Variants in AGBL3 observed in about 807,000 individuals in gnomAD.
AGBL3 encodes AGBL carboxypeptidase 3, also known as cytosolic carboxypeptidase 3.
Under a neutral mutation model 94.5 loss-of-function variants are expected in AGBL3, and 68 were observed. The ratio of observed to expected loss-of-function variants is 0.72; its 90% CI spans 0.59 to 0.88. The LOEUF is 0.88. Among genes scored for constraint, AGBL3 ranks in the 40% least tolerant of loss-of-function variants. AGBL3 has a pLI of 0.00. For synonymous variants in AGBL3, 354 were observed against 370.7 expected (o/e 0.95, Z 0.52); for missense variants, 934 against 1,103.8 (o/e 0.85, Z 2.18).
chr7:135,061,408 CTGCTTT>C (rs1448720851), intron 12 of AGBL3, among the ~76,000 whole-genome samples: 5 of 152,030 alleles, frequency 3.3e-5, no homozygotes, highest in African/African-American at 9.7e-5. Flanking sequence ...CATGTATCTG[CTGCTTT>C]TGCTTTTGTT....
At chr7:135,102,951 A>T (rs777170269) in intron 15 of AGBL3, among the ~76,000 whole-genome samples, 3 of 152,232 alleles carry the variant, frequency 2.0e-5, no homozygotes, top group Admixed American at 6.5e-5. Flanking sequence ...ATTCTCTTTA[A>T]AAGACACTGT....
intron 15 of AGBL3, among the ~76,000 whole-genome samples, chr7:135,105,175 T>C (rs1440526892): frequency 1.3e-5 from 2 of 150,118 alleles, no homozygotes; most frequent in African/African-American, 4.9e-5. Flanking sequence ...ATTCAAGAGA[T>C]TCTCTTGCCT....
chr7:135,044,103 A>T lies in AGBL3; in HGVS notation c.1579A>T (p.Ile527Phe). 6.4e-7 allele frequency: 1 copy of T among 1,550,878 alleles called. No homozygotes were observed. Among genetic ancestry groups the T allele is most frequent in the Non-Finnish European group, 8.7e-7 (1 of 1,146,268 alleles). ...TGRVVMWKMG[I>F]RNSFTMEATF... Reference sequence around the variant, plus strand: ...AAGGGTGGTAATGTGGAAAATGGGAATCAGGAACAGCTTTACCATGGAGGC... The same window carrying T: ...AAGGGTGGTAATGTGGAAAATGGGATTCAGGAACAGCTTTACCATGGAGGC... Residue 527 changes from isoleucine to phenylalanine, a missense_variant, in exon 9 of 17, where the codon ATC becomes TTC. Around this residue, in one of 3 missense-constraint regions of AGBL3, gnomAD observed 441 missense variants for 518.2 expected, o/e 0.85. Coordinates refer to ENST00000436302, the MANE Select transcript of AGBL3 (RefSeq NM_178563.4).
intron 12 of AGBL3, among the ~76,000 whole-genome samples, chr7:135,060,113 C>T (rs1007755984): frequency 1.3e-5 from 2 of 152,172 alleles, no homozygotes; most frequent in African/African-American, 4.8e-5. Flanking sequence ...AATATAATCC[C>T]TAACACACAC....
chr7:135,080,136 A>G (rs755786145), intron 13 of AGBL3, 67 bp from the exon 14 acceptor site: 60 of 1,193,906 alleles, frequency 5.0e-5, no homozygotes, highest in African/African-American at 1.5e-4. Flanking sequence ...CATAAATCAT[A>G]TAGGAAATAT....
At chr7:134,993,388 C>A in intron 3 of AGBL3, 105 bp from the exon 4 acceptor site, 1 of 877,558 alleles carries the variant, frequency 1.1e-6, no homozygotes. Flanking sequence ...TAATGATACC[C>A]ACACATTGAA....
At position 135,089,446 on chromosome 7, in the gene AGBL3, C is replaced by A. The variant is rs184681769; in HGVS notation, c.2110+7656C>A. ...CTTTTTAGTGTTGCTTGTGTCCCTGCATTGATGCCTGTGCATCTGGTGGAA... is the reference window on the plus strand; with the variant it reads ...CTTTTTAGTGTTGCTTGTGTCCCTGAATTGATGCCTGTGCATCTGGTGGAA... On this transcript the variant is annotated intron_variant, in intron 15 of 16. Coordinates refer to ENST00000436302, the MANE Select transcript of AGBL3 (RefSeq NM_178563.4). 2.6e-5 allele frequency among the ~76,000 whole-genome samples: 4 copies of A among 152,276 alleles called. No homozygotes were observed. The South Asian group carries it at 6.2e-4, about 24-fold the overall frequency.
At position 135,081,658 on chromosome 7, in the gene AGBL3, A is replaced by C. The variant is rs969103263; in HGVS notation, c.2039-61A>C. The C allele has an allele frequency of 1.2e-5, 14 of 1,152,564 alleles. 1 individual carries two copies. The African/African-American group carries it at 2.0e-4, about 16-fold the overall frequency. 71.4% of individuals were successfully genotyped at this position (1,152,564 alleles called of 1,614,324 possible). ...TTTCCACTTTGAAAAAAGATGAAAA[A>C]TATGAAATGTAAATGGGCGAGTTAT... is the stretch of plus-strand genomic sequence containing the variant. On this transcript the variant is annotated intron_variant, in intron 14 of 16. Transcript: ENST00000436302.
At chr7:135,117,558 T>G (rs1407760901) in intron 16 of AGBL3, among the ~76,000 whole-genome samples, 1 of 152,160 alleles carries the variant, frequency 6.6e-6, no homozygotes, top group Admixed American at 6.5e-5. Context: ...CTATAGGTAA[T>G]AGCATGTAAG....
At chr7:135,098,320 T>G (rs1033143408) in intron 15 of AGBL3, among the ~76,000 whole-genome samples, 1 of 152,202 alleles carries the variant, frequency 6.6e-6, no homozygotes, top group African/African-American at 2.4e-5. Context: ...ATATAACCTA[T>G]GCATATCCTC....
Position 135,135,199 on chromosome 7 carries a change from G to A in AGBL3, c.2701G>A (p.Glu901Lys), listed in dbSNP as rs199898448. ...CCTCCATCTAACTAAAAATAAGGAT[G>A]AGCAGGCCAATAAGAATGATGGACA... ...TALHLTKNKD[E>K]QANKNDGQPT... is the part of the protein sequence containing the mutation. Residue 901 changes from glutamate (E) to lysine (K), a missense_variant, in exon 17 of 17, where the codon GAG becomes AAG. Transcript: ENST00000436302. The A allele has an allele frequency of 5.1e-4, 791 of 1,547,240 alleles. 1 individual carries two copies. Among genetic ancestry groups the A allele is most frequent in the Admixed American group, 1.0e-3 (51 of 49,792 alleles).
intron 12 of AGBL3, among the ~76,000 whole-genome samples, chr7:135,073,471 AAAAT>A (rs138457438): frequency 0.12 from 15,147 of 125,976 alleles, 858 homozygotes; most frequent in East Asian, 0.18. Context: ...ACTCCGTCTC[AAAAT>A]AAATAAATAA....
At chr7:134,999,039 A>G (rs73728023) in intron 4 of AGBL3, among the ~76,000 whole-genome samples, 4,812 of 152,234 alleles carry the variant, frequency 0.032, 244 homozygotes, top group African/African-American at 0.11. Context: ...ACAAAAAAAA[A>G]AGTTTCAATT....
chr7:135,128,605 G>A, intron 16 of AGBL3: 1 of 779,392 alleles, frequency 1.3e-6, no homozygotes, highest in Non-Finnish European at 2.4e-6. Context: ...TCTGCTCTAT[G>A]GGAAGAACAC....
At chr7:135,034,001 G>A (rs1816040910) in intron 6 of AGBL3, 148 bp from the exon 7 acceptor site, 5 of 713,700 alleles carry the variant, frequency 7.0e-6, no homozygotes, top group African/African-American at 1.8e-5. Context: ...AACTTTTATC[G>A]TTTACATTGT....
In AGBL3 at chr7:135,032,971, G is replaced by A. The variant is rs1035179541; in HGVS notation, c.546G>A (p.Lys182=). The A allele has an allele frequency of 3.9e-6, 6 of 1,548,096 alleles. No individual in the cohort carries two copies. The highest frequency in any genetic ancestry group is 4.4e-6 in the Non-Finnish European group (5 of 1,145,446). ...EARFESGNLQ[K]VVKVAEYEYQ... is the part of the protein sequence containing the mutation. ...GGTTTGAGAGTGGTAATCTACAGAAGGTAGTCAAAGTGTAGGTTCTAATTA... is the reference window on the plus strand; with the variant it reads ...GGTTTGAGAGTGGTAATCTACAGAAAGTAGTCAAAGTGTAGGTTCTAATTA... The change falls in exon 6 of 17, where the codon AAG becomes AAA. Residue 182 remains lysine (K), a synonymous_variant. Coordinates refer to ENST00000436302, the MANE Select transcript of AGBL3 (RefSeq NM_178563.4).
At chr7:135,021,634 G>A (rs2116290151) in intron 5 of AGBL3, among the ~76,000 whole-genome samples, 1 of 148,596 alleles carries the variant, frequency 6.7e-6, no homozygotes, top group East Asian at 2.0e-4. Flanking sequence ...TTTAATTTTG[G>A]AAGATACACA....
chr7:135,059,250 T>C lies in AGBL3; in HGVS notation c.1908+15T>C. Reference sequence around the variant, plus strand: ...TAACTTCTCAGGTATGACTGAACATTTTTGCTTATATGTGGATATGCTGTG... The same window carrying C: ...TAACTTCTCAGGTATGACTGAACATCTTTGCTTATATGTGGATATGCTGTG... On this transcript the variant is annotated intron_variant, in intron 12 of 16. Transcript: ENST00000436302. 3 of 1,546,854 alleles carry C rather than the reference T, an allele frequency of 1.9e-6. No homozygotes were observed. The highest frequency in any genetic ancestry group is 2.6e-6 in the Non-Finnish European group (3 of 1,143,270).
chr7:134,991,820 G>GA (rs531740138), intron 3 of AGBL3, among the ~76,000 whole-genome samples: 12,461 of 143,748 alleles, frequency 0.087, 1,645 homozygotes, highest in African/African-American at 0.29. Context: ...TTAGTAAACA[G>GA]AAAAAAAAAA....
Sources: gnomAD v4.1 joint callset for allele counts (sites outside exome capture counted in the v4.1 genomes callset) on GRCh38, gnomAD v4.1.1 for gene constraint, gnomAD v4.1.1 regional missense constraint, MANE v1.5 for transcripts, NCBI Gene and HGNC (gene_info 2026-07-23, HGNC 2026-07-21) for gene names.